The following SLC44A5 variants were observed in gnomAD, a reference collection of about 807,000 sequenced individuals.
The protein encoded by SLC44A5 is solute carrier family 44 member 5, also known as choline transporter-like protein 5.
Under a neutral mutation model 101.8 loss-of-function variants are expected in SLC44A5, and 57 were observed. The ratio of observed to expected loss-of-function variants is 0.56; its 90% CI spans 0.45 to 0.70. SLC44A5 has a LOEUF of 0.70. Ranked by LOEUF, SLC44A5 falls within the 30% of genes least tolerant of loss-of-function variation. The pLI is 0.00. For synonymous variants in SLC44A5, 281 were observed against 290.9 expected (o/e 0.97, Z 0.35); for missense variants, 737 against 853.1 (o/e 0.86, Z 1.70).
At chr1:75,219,116 C>A in intron 16 of SLC44A5, 141 bp downstream of exon 16, 1 of 657,860 alleles carries the variant, frequency 1.5e-6, no homozygotes, top group Non-Finnish European at 2.7e-6. Context: ...TTACCTGATG[C>A]ACACTCCCCA....
Position 75,469,812 on chromosome 1 carries a change from A to G in SLC44A5, c.13+71623T>C, listed in dbSNP as rs369393625. On this transcript the variant is annotated intron_variant, in intron 2 of 23. Coordinates refer to ENST00000370859, the MANE Select transcript of SLC44A5 (RefSeq NM_001130058.2). Reference sequence around the variant, plus strand: ...CTACTCAGGAAGCTGAGGTGGGAGGATCATTTAAGCCCAGGAATTCGAGGT... The same window carrying G: ...CTACTCAGGAAGCTGAGGTGGGAGGGTCATTTAAGCCCAGGAATTCGAGGT... Among the ~76,000 whole-genome samples the G allele has an allele frequency of 2.0e-5, 3 of 150,532 alleles. No individual in the cohort carries two copies. The East Asian group carries it at 6.0e-4, about 30-fold the overall frequency.
chr1:75,219,782 C>T lies in SLC44A5; in HGVS notation c.1178+18G>A, dbSNP rs1295895837. 6.4e-7 allele frequency: 1 copy of T among 1,560,052 alleles called. No individual in the cohort carries two copies. Among genetic ancestry groups the T allele is most frequent in the South Asian group, 1.1e-5 (1 of 88,566 alleles). ...CATGTGAACCTGAGGTTTAAAGAGGCCAATTACCAAAGGATACACTGCTGT... is the reference window on the plus strand; with the variant it reads ...CATGTGAACCTGAGGTTTAAAGAGGTCAATTACCAAAGGATACACTGCTGT... On this transcript the variant is annotated intron_variant, in intron 15 of 23. Coordinates refer to ENST00000370859, the MANE Select transcript of SLC44A5 (RefSeq NM_001130058.2).
At chr1:75,482,091 T>G (rs1310983818) in intron 2 of SLC44A5, among the ~76,000 whole-genome samples, 1 of 151,994 alleles carries the variant, frequency 6.6e-6, no homozygotes, top group East Asian at 1.9e-4. Context: ...TATGCAGCCA[T>G]AAAAAATGAT....
intron 2 of SLC44A5, among the ~76,000 whole-genome samples, chr1:75,453,629 A>T (rs2101668399): frequency 6.6e-6 from 1 of 152,200 alleles, no homozygotes; most frequent in South Asian, 2.1e-4. Context: ...TTGAAAGGAT[A>T]CCCAAGATCA....
intron 1 of SLC44A5, among the ~76,000 whole-genome samples, chr1:75,596,104 CT>C (rs1557945596): frequency 2.0e-5 from 3 of 152,012 alleles, no homozygotes. Context: ...AGCAAATTCA[CT>C]TTTTCTTTTT....
At chr1:75,449,796 A>T (rs1665795239) in intron 2 of SLC44A5, among the ~76,000 whole-genome samples, 1 of 152,016 alleles carries the variant, frequency 6.6e-6, no homozygotes, top group Non-Finnish European at 1.5e-5. Flanking sequence ...AGGTCAAGAG[A>T]CCAAGACCAT....
chr1:75,350,084 C>A (rs982050230), intron 3 of SLC44A5, among the ~76,000 whole-genome samples: 4 of 151,834 alleles, frequency 2.6e-5, no homozygotes, highest in Non-Finnish European at 4.4e-5. Flanking sequence ...CCTACCGCGC[C>A]CCCCCCAACT....
chr1:75,436,944 T>C (rs1403819475), intron 2 of SLC44A5, among the ~76,000 whole-genome samples: 1 of 152,110 alleles, frequency 6.6e-6, no homozygotes, highest in Non-Finnish European at 1.5e-5. Flanking sequence ...GTTAGGATCG[T>C]CAGTATCACT....
the SLC44A5 span, among the ~76,000 whole-genome samples, chr1:75,664,929 GAAAA>G: frequency 2.5e-3 from 321 of 130,230 alleles, 2 homozygotes; most frequent in African/African-American, 8.2e-3. Context: ...TCAAAAAAAA[GAAAA>G]AAAAAAAAAA....
At chr1:75,635,753 C>A in the SLC44A5 span, among the ~76,000 whole-genome samples, 9,754 of 150,594 alleles carry the variant, frequency 0.065, 1,072 homozygotes, top group African/African-American at 0.23. Flanking sequence ...CACATGTATA[C>A]ATATGTAACT....
At chr1:75,384,625 A>G (rs1159109489) in intron 3 of SLC44A5, among the ~76,000 whole-genome samples, 2 of 110,574 alleles carry the variant, frequency 1.8e-5, no homozygotes, top group Admixed American at 1.0e-4. Flanking sequence ...TTAACACCCC[A>G]CTGTCAACAT....
the SLC44A5 span, among the ~76,000 whole-genome samples, chr1:75,712,393 A>G: frequency 6.6e-6 from 1 of 152,258 alleles, no homozygotes; most frequent in Non-Finnish European, 1.5e-5. Context: ...TGTAAAAGAA[A>G]GAAGTCATTA....
intron 1 of SLC44A5, among the ~76,000 whole-genome samples, chr1:75,569,271 CTGTT>C (rs1672948184): frequency 7.8e-6 from 1 of 128,934 alleles, no homozygotes; most frequent in African/African-American, 2.9e-5. Flanking sequence ...GACAGGGTCT[CTGTT>C]TGTTGCCCAG....
chr1:75,415,917 A>C (rs1357667217), intron 2 of SLC44A5, among the ~76,000 whole-genome samples: 3 of 152,184 alleles, frequency 2.0e-5, no homozygotes, highest in Admixed American at 2.0e-4. Flanking sequence ...TCAAGAGGTG[A>C]CTTGGGTGCT....
intron 3 of SLC44A5, among the ~76,000 whole-genome samples, chr1:75,368,943 ATC>A (rs1660043107): frequency 6.6e-6 from 1 of 152,148 alleles, no homozygotes. Context: ...GCAGGTATAC[ATC>A]TCTCTTATTT....
At chr1:75,374,435 G>A (rs530429610) in intron 3 of SLC44A5, among the ~76,000 whole-genome samples, 1 of 152,184 alleles carries the variant, frequency 6.6e-6, no homozygotes, top group Non-Finnish European at 1.5e-5. Context: ...ACCTAAGAAG[G>A]TGTGGAGAAG....
At chr1:75,623,986 C>A in the SLC44A5 span, among the ~76,000 whole-genome samples, 1 of 152,096 alleles carries the variant, frequency 6.6e-6, no homozygotes, top group Admixed American at 6.6e-5. Context: ...CTAAAAGAAA[C>A]AGGGATCCTT....
intron 2 of SLC44A5, among the ~76,000 whole-genome samples, chr1:75,450,575 G>A (rs564278009): frequency 5.9e-5 from 9 of 152,250 alleles, no homozygotes; most frequent in African/African-American, 1.9e-4. Context: ...TGCAATCCTG[G>A]GGCAGAAGAA....
rs1175480813 is a variant in SLC44A5 at position 75,499,620 on chromosome 1, T to A, written c.13+41815A>T. ...ATGCATAACTGTATTTATAAATATA[T>A]TTTGTATACTCAAATAAGGCACAGG... On this transcript the variant is annotated intron_variant, in intron 2 of 23. Coordinates refer to ENST00000370859, the MANE Select transcript of SLC44A5 (RefSeq NM_001130058.2). Among the ~76,000 whole-genome samples the A allele has an allele frequency of 5.3e-5, 8 of 152,362 alleles. No homozygotes were observed. The East Asian group carries it at 1.2e-3, about 22-fold the overall frequency.
Sources: allele counts gnomAD v4.1 joint callset (sites outside exome capture counted in the v4.1 genomes callset), GRCh38; gene constraint gnomAD v4.1.1; transcripts MANE v1.5; gene names NCBI Gene and HGNC (gene_info 2026-07-23, HGNC 2026-07-21).